FANCC: variants seen among roughly 807,000 people sequenced by gnomAD.
FANCC encodes Fanconi anemia group C protein.
In FANCC, 55 loss-of-function variants were observed where a neutral mutation model predicts 71.3. That is an observed-to-expected ratio of 0.77 (90% confidence interval 0.62 to 0.97). FANCC has a LOEUF of 0.97. Among genes scored for constraint, FANCC ranks in the 50% least tolerant of loss-of-function variants. The pLI is 0.00. For synonymous variants in FANCC, 275 were observed against 244.9 expected, an observed-to-expected ratio of 1.12 and a Z score of -1.15; for missense variants, 678 against 670.9, an observed-to-expected ratio of 1.01 and a Z score of -0.12.
chr9:95,181,675 A>G (rs1826376954), intron 4 of FANCC, among the ~76,000 whole-genome samples: 1 of 152,236 alleles, frequency 6.6e-6, no homozygotes, highest in African/African-American at 2.4e-5. Flanking sequence ...AGGTTCAGAC[A>G]TAAAGATGTA....
In FANCC at chr9:95,104,998, G is replaced by A. The variant is rs573943511; in HGVS notation, c.1533+2068C>T. On this transcript the variant is annotated intron_variant, in intron 14 of 14. Coordinates refer to ENST00000289081, the MANE Select transcript of FANCC (RefSeq NM_000136.3). ...AGTGTAAAGCCCTCTAGGTTGGGCCGCATTGTTGCAGGTGTGCATTTTATA... is the reference window on the plus strand; with the variant it reads ...AGTGTAAAGCCCTCTAGGTTGGGCCACATTGTTGCAGGTGTGCATTTTATA... 5.3e-5 allele frequency among the ~76,000 whole-genome samples: 8 copies of A among 152,332 alleles called. No individual in the cohort carries two copies. In the East Asian group the frequency reaches 9.6e-4, roughly 18 times the overall value.
At chr9:95,196,050 A>G (rs1481461075) in intron 4 of FANCC, among the ~76,000 whole-genome samples, 1 of 152,212 alleles carries the variant, frequency 6.6e-6, no homozygotes, top group African/African-American at 2.4e-5. Context: ...GTAAACGATT[A>G]TATCATTTGC....
chr9:95,132,536 A>G (rs776804578), intron 8 of FANCC, among the ~76,000 whole-genome samples: 6 of 152,194 alleles, frequency 3.9e-5, no homozygotes, highest in African/African-American at 7.2e-5. Context: ...TGTACAGTAA[A>G]TGACAATCTA....
At chr9:95,122,028 T>C (rs1441819995) in intron 10 of FANCC, among the ~76,000 whole-genome samples, 2 of 151,882 alleles carry the variant, frequency 1.3e-5, no homozygotes, top group African/African-American at 4.8e-5. Flanking sequence ...CGGCGAATTT[T>C]TTTGTATTTT....
chr9:95,287,142 T>TAAATATCTTGCCC (rs888593013), intron 1 of FANCC, among the ~76,000 whole-genome samples: 10 of 152,204 alleles, frequency 6.6e-5, no homozygotes, highest in Admixed American at 2.6e-4. Context: ...AAAAGAGAAG[T>TAAATATCTTGCCC]AAATATCTTG....
intron 4 of FANCC, among the ~76,000 whole-genome samples, chr9:95,186,258 T>C (rs1204753940): frequency 3.9e-5 from 6 of 152,278 alleles, no homozygotes; most frequent in South Asian, 2.1e-4. Context: ...GATAAGCAGG[T>C]TTAAACCGAT....
chr9:95,313,201 T>G (rs930356778), intron 1 of FANCC, among the ~76,000 whole-genome samples: 1 of 151,892 alleles, frequency 6.6e-6, no homozygotes, highest in African/African-American at 2.4e-5. Flanking sequence ...GGAGCCAGCG[T>G]TGGGGAAGCG....
intron 14 of FANCC, among the ~76,000 whole-genome samples, chr9:95,103,147 T>TC (rs2071190037): frequency 6.6e-6 from 1 of 151,858 alleles, no homozygotes; most frequent in South Asian, 2.1e-4. Context: ...GGGAGGACTG[T>TC]CCCCCGCTCA....
At chr9:95,209,408 T>G (rs1828354196) in intron 4 of FANCC, among the ~76,000 whole-genome samples, 1 of 152,190 alleles carries the variant, frequency 6.6e-6, no homozygotes, top group African/African-American at 2.4e-5. Context: ...CAGGACAGGT[T>G]CATCAGTTGT....
chr9:95,248,735 T>C (rs537589660), intron 2 of FANCC, among the ~76,000 whole-genome samples: 2 of 151,968 alleles, frequency 1.3e-5, no homozygotes, highest in Non-Finnish European at 2.9e-5. Flanking sequence ...TAAGAAGAGA[T>C]CTTAATATCT....
chr9:95,262,654 A>G (rs1832123076), intron 1 of FANCC, among the ~76,000 whole-genome samples: 1 of 152,234 alleles, frequency 6.6e-6, no homozygotes, highest in Non-Finnish European at 1.5e-5. Flanking sequence ...GCAGGGTTTC[A>G]AAGAGATATT....
intron 4 of FANCC, among the ~76,000 whole-genome samples, chr9:95,186,024 G>GT (rs1330450044): frequency 2.6e-5 from 4 of 151,882 alleles, no homozygotes; most frequent in African/African-American, 9.7e-5. Context: ...TTTTGTTTTT[G>GT]TTTTTTAGGA....
At chr9:95,142,216 T>C (rs1339637989) in intron 7 of FANCC, among the ~76,000 whole-genome samples, 1 of 151,938 alleles carries the variant, frequency 6.6e-6, no homozygotes, top group African/African-American at 2.4e-5. Context: ...TGGTCTTAAA[T>C]TCCTGACCTC....
chr9:95,186,314 T>C (rs1235451983), intron 4 of FANCC, among the ~76,000 whole-genome samples: 1 of 152,236 alleles, frequency 6.6e-6, no homozygotes, highest in East Asian at 1.9e-4. Context: ...GGCCTGACAA[T>C]TCCTTGTTGC....
In FANCC at chr9:95,101,564, T is replaced by C. The variant is rs189154697; in HGVS notation, c.*143A>G. 50 of 979,846 alleles carry C rather than the reference T, an allele frequency of 5.1e-5. No homozygotes were observed. In the Middle Eastern group the frequency reaches 3.1e-3, roughly 61 times the overall value. 60.7% of individuals were successfully genotyped at this position (979,846 alleles called of 1,614,324 possible). A position where few individuals can be genotyped will look rare whatever the true frequency, so the allele number is the denominator to read the frequency against. ...ATTTTGTAAAATAGATACTAGCAGA[T>C]TGTCCCAAGATGTGTACAGCTCATT... On this transcript the variant is annotated 3_prime_UTR_variant, in exon 15 of 15. Transcript: ENST00000289081.
At chr9:95,242,418 C>T (rs937408194) in intron 3 of FANCC, among the ~76,000 whole-genome samples, 1 of 138,816 alleles carries the variant, frequency 7.2e-6, no homozygotes, top group Admixed American at 8.0e-5. Context: ...ACGCATGCAG[C>T]AGGGTGTTAA....
chr9:95,102,822 G>T (rs1390569567), intron 14 of FANCC, among the ~76,000 whole-genome samples: 1 of 152,222 alleles, frequency 6.6e-6, no homozygotes, highest in Non-Finnish European at 1.5e-5. Context: ...TGGGGACGCA[G>T]AGCTAAGAGT....
At chr9:95,115,866 G>A (rs547003523) in intron 11 of FANCC, among the ~76,000 whole-genome samples, 12 of 152,256 alleles carry the variant, frequency 7.9e-5, no homozygotes, top group South Asian at 6.2e-4. Flanking sequence ...GTCAGGGCTC[G>A]TAAGTGATCC....
At chr9:95,289,598 T>A (rs1833888217) in intron 1 of FANCC, among the ~76,000 whole-genome samples, 1 of 152,206 alleles carries the variant, frequency 6.6e-6, no homozygotes, top group South Asian at 2.1e-4. Flanking sequence ...ACATTCTCTA[T>A]TGTTCATTCA....
Sources: allele counts gnomAD v4.1 joint callset (sites outside exome capture counted in the v4.1 genomes callset), GRCh38; gene constraint gnomAD v4.1.1; transcripts MANE v1.5; gene names NCBI Gene and HGNC (gene_info 2026-07-23, HGNC 2026-07-21).